The following LIX1L variants were observed in gnomAD, a reference collection of about 807,000 sequenced individuals.
LIX1L encodes the protein limb and CNS expressed 1 like.
A neutral mutation model predicts 34.0 loss-of-function variants in LIX1L; 20 were observed. That is an observed-to-expected ratio of 0.59 (90% CI 0.41 to 0.85). The LOEUF (loss-of-function observed/expected upper bound fraction) is 0.85. Ranked by LOEUF, LIX1L falls within the 40% of genes least tolerant of loss-of-function variation. The probability of loss-of-function intolerance (pLI) is 0.00; values close to 1 mark genes in which losing one functional copy is unlikely to be tolerated. For missense variants in LIX1L, 397 were observed against 447.0 expected, an observed-to-expected ratio of 0.89 and a Z score of 1.01; for synonymous variants, 170 against 187.4, an observed-to-expected ratio of 0.91 and a Z score of 0.76.
In LIX1L at chr1:145,957,617, G is replaced by T; in HGVS notation, c.292+19C>A. The T allele has an allele frequency of 6.6e-7, 1 of 1,504,574 alleles. No individual in the cohort carries two copies. 93.2% of individuals were successfully genotyped at this position (1,504,574 alleles called of 1,614,324 possible). A position where few individuals can be genotyped will look rare whatever the true frequency, so the allele number is the denominator to read the frequency against. ...CCTTACAGAGGGTGTCGCGCAGGAG[G>T]CCAGACCCGCAGACTCACCTCGGCC... On this transcript the variant is annotated intron_variant, in intron 1 of 5. Transcript: ENST00000604000.
At position 145,948,141 on chromosome 1, in the gene LIX1L, G is replaced by A. The variant is rs1302454988; in HGVS notation, c.293-359C>T. ...TGTCAGCAGACCATTATCACTGCCT[G>A]ATGAAATACAAGCAGATTATTCCAC... On this transcript the variant is annotated intron_variant, in intron 1 of 5. Coordinates refer to ENST00000604000, the MANE Select transcript of LIX1L (RefSeq NM_153713.3). This position sits in a 1 kb window ranked among gnomAD's most constrained non-coding sequence, Gnocchi z 4.0. Among the ~76,000 whole-genome samples the A allele has an allele frequency of 2.0e-5, 3 of 152,134 alleles. No individual in the cohort carries two copies. Among genetic ancestry groups the A allele is most frequent in the Admixed American group, 2.0e-4 (3 of 15,260 alleles).
chr1:145,945,112 C>T (rs868914044), intron 2 of LIX1L, among the ~76,000 whole-genome samples: 20 of 151,212 alleles, frequency 1.3e-4, no homozygotes, highest in African/African-American at 4.6e-4. Context: ...AGGCAGATCA[C>T]CTGAGGTCAG....
chr1:145,944,153 T>G (rs1649020537), intron 2 of LIX1L, among the ~76,000 whole-genome samples: 1 of 152,166 alleles, frequency 6.6e-6, no homozygotes, highest in African/African-American at 2.4e-5. Context: ...GGCCAGGAGT[T>G]TGAGACCAGC....
At chr1:145,945,673 CG>C (rs1283797030) in intron 2 of LIX1L, among the ~76,000 whole-genome samples, 9 of 148,324 alleles carry the variant, frequency 6.1e-5, no homozygotes, top group Admixed American at 6.8e-5. Flanking sequence ...CGCTTCAACC[CG>C]GGAGGCAGAG....
chr1:145,952,917 A>AT lies in LIX1L; in HGVS notation c.292+4718dup, dbSNP rs782653339. On this transcript the variant is annotated intron_variant, in intron 1 of 5. Coordinates refer to ENST00000604000, the MANE Select transcript of LIX1L (RefSeq NM_153713.3). ...TGAGTCACCGCACCTAACCTAAAAC[A>AT]TTTTTTTTTTTTGAGGCAAGGTCTC... is the stretch of plus-strand genomic sequence containing the variant. Among the ~76,000 whole-genome samples, 360 of 145,182 alleles carry AT rather than the reference A, an allele frequency of 2.5e-3. 4 individuals carry two copies. The highest frequency in any genetic ancestry group is 7.1e-3 in the African/African-American group (284 of 39,760).
rs991044203 is a variant in LIX1L at position 145,934,408 on chromosome 1, C to T, written c.*1902G>A. 2 of 151,988 alleles carry T rather than the reference C, an allele frequency of 1.3e-5. No individual in the cohort carries two copies. Among genetic ancestry groups the T allele is most frequent in the East Asian group, 1.9e-4 (1 of 5,182 alleles). 9.4% of individuals were successfully genotyped at this position (151,988 alleles called of 1,614,324 possible). A position where few individuals can be genotyped will look rare whatever the true frequency, so the allele number is the denominator to read the frequency against. On this transcript the variant is annotated 3_prime_UTR_variant, in exon 6 of 6. Transcript: ENST00000604000. ...CAAACACGGTGAAACCCCGTCTCTA[C>T]TAAAAATACAAAAAAATTAGCCAGG... is the stretch of plus-strand genomic sequence containing the variant.
At chr1:145,945,521 C>A (rs1408363873) in intron 2 of LIX1L, among the ~76,000 whole-genome samples, 1 of 150,588 alleles carries the variant, frequency 6.6e-6, no homozygotes, top group Non-Finnish European at 1.5e-5. Context: ...CCGAGGTGGG[C>A]GGATTGCTTG....
Position 145,943,633 on chromosome 1 carries a change from C to CCT in LIX1L, c.457-781_457-780insAG, listed in dbSNP as rs1649000902. 4.3e-4 allele frequency among the ~76,000 whole-genome samples: 65 copies of CCT among 152,248 alleles called. No individual in the cohort carries two copies. In the East Asian group the frequency reaches 8.5e-3, roughly 20 times the overall value. ...TATTCAACTTCAGATCTCTAGCCAC[C>CCT]ATAGTATTCCTTTATAATTCATCTT... is the stretch of plus-strand genomic sequence containing the variant. On this transcript the variant is annotated intron_variant, in intron 2 of 5. Transcript: ENST00000604000.
chr1:145,957,714 C>A lies in LIX1L; in HGVS notation c.214G>T (p.Gly72Cys). 2 of 1,488,060 alleles carry A rather than the reference C, an allele frequency of 1.3e-6. No homozygotes were observed. Among genetic ancestry groups the A allele is most frequent in the Non-Finnish European group, 8.9e-7 (1 of 1,124,290 alleles). The allele number at this position is 1,488,060 out of a possible 1,614,324, so 92.2% of individuals were successfully genotyped here. ...GCCTCTCGCAGCACTGCCGGGCTGC[C>A]GGCGGCGCCGGGGGGCAGGGGTAGT... Reference protein sequence around the residue: ...PGLPLPPGAAGSPAVLREAVE... With the variant: ...PGLPLPPGAACSPAVLREAVE... The change falls in exon 1 of 6, where the codon GGC (glycine) becomes TGC (cysteine). Residue 72 changes from glycine (G) to cysteine (C), a missense_variant. Gly to Cys is a radical substitution (Grantham distance 159, BLOSUM62 -3). This residue lies in a region of LIX1L where 207 missense variants were observed against 205.2 expected (regional missense o/e 1.01). Coordinates refer to ENST00000604000, the MANE Select transcript of LIX1L (RefSeq NM_153713.3).
intron 1 of LIX1L, 43 bp downstream of exon 1, chr1:145,957,593 C>G: frequency 6.9e-7 from 1 of 1,451,700 alleles, no homozygotes; most frequent in Non-Finnish European, 9.0e-7. Context: ...GCAAGGCTCC[C>G]TTACAGAGGG....
intron 1 of LIX1L, among the ~76,000 whole-genome samples, chr1:145,950,814 C>G (rs1649274632): frequency 2.6e-5 from 4 of 152,170 alleles, no homozygotes; most frequent in African/African-American, 9.7e-5. Flanking sequence ...GTGGTTCCTT[C>G]AAATGTGGTT....
At chr1:145,951,805 G>A (rs1649308379) in intron 1 of LIX1L, among the ~76,000 whole-genome samples, 1 of 152,136 alleles carries the variant, frequency 6.6e-6, no homozygotes, top group South Asian at 2.1e-4. Context: ...GGAAGAGGAG[G>A]AGACCACCAT....
At chr1:145,956,738 C>A (rs1195589686) in intron 1 of LIX1L, among the ~76,000 whole-genome samples, 1 of 152,172 alleles carries the variant, frequency 6.6e-6, no homozygotes, top group African/African-American at 2.4e-5. Flanking sequence ...ACTATATATT[C>A]CTTATTACTT....
chr1:145,953,899 T>C (rs182414825), intron 1 of LIX1L, among the ~76,000 whole-genome samples: 1 of 152,016 alleles, frequency 6.6e-6, no homozygotes, highest in East Asian at 1.9e-4. Flanking sequence ...ACAAAAAAAT[T>C]TTTTAAAATC....
chr1:145,942,643 AT>A lies in LIX1L; in HGVS notation c.597+69del, dbSNP rs1648961744. ...AGAATTCATGCTCTGTTTCACAGTAATTTACGACTTCCCAAGCAGCCAGTTC... is the reference window on the plus strand; with the variant it reads ...AGAATTCATGCTCTGTTTCACAGTAATTACGACTTCCCAAGCAGCCAGTTC... On this transcript the variant is annotated intron_variant, in intron 3 of 5. Transcript: ENST00000604000. The A allele has an allele frequency of 6.4e-6, 9 of 1,416,910 alleles. No homozygotes were observed. The East Asian group carries it at 2.1e-4, about 32-fold the overall frequency. The allele number at this position is 1,416,910 out of a possible 1,614,324, so 87.8% of individuals were successfully genotyped here. A position where few individuals can be genotyped will look rare whatever the true frequency, so the allele number is the denominator to read the frequency against.
At chr1:145,939,011 C>A (rs1317214432) in intron 3 of LIX1L, among the ~76,000 whole-genome samples, 1 of 148,012 alleles carries the variant, frequency 6.8e-6, no homozygotes, top group Non-Finnish European at 1.5e-5. Context: ...GACTGTGTCT[C>A]ATTCTGTCTG....
chr1:145,940,347 T>C (rs1228412528), intron 3 of LIX1L, among the ~76,000 whole-genome samples: 1 of 150,210 alleles, frequency 6.7e-6, no homozygotes, highest in African/African-American at 2.4e-5. Context: ...CCTTTCCTTT[T>C]CTATTTTTTT....
chr1:145,953,025 C>T (rs983457676), intron 1 of LIX1L, among the ~76,000 whole-genome samples: 2 of 152,252 alleles, frequency 1.3e-5, no homozygotes, highest in Admixed American at 1.3e-4. Context: ...GATCCTCCCA[C>T]CTCAGCTCCC....
chr1:145,944,910 C>T (rs1311102340), intron 2 of LIX1L, among the ~76,000 whole-genome samples: 2 of 151,906 alleles, frequency 1.3e-5, no homozygotes, highest in African/African-American at 2.4e-5. Flanking sequence ...TGCCTGCGGC[C>T]CCAGCTATTC....
Sources: gnomAD v4.1 joint callset for allele counts (sites outside exome capture counted in the v4.1 genomes callset) on GRCh38, gnomAD v4.1.1 for gene constraint, gnomAD v4.1.1 regional missense constraint, Gnocchi (gnomAD v3.1) non-coding constraint, MANE v1.5 for transcripts, NCBI Gene and HGNC (gene_info 2026-07-23, HGNC 2026-07-21) for gene names.